The following TRAF2 variants were observed in gnomAD, a reference collection of about 807,000 sequenced individuals.
The protein encoded by TRAF2 is TNF receptor associated factor 2.
Under a neutral mutation model 55.6 loss-of-function variants are expected in TRAF2, and 6 were observed. That is an observed-to-expected ratio of 0.11 (90% CI 0.06 to 0.21). The LOEUF is 0.21. Among genes scored for constraint, TRAF2 ranks in the 10% least tolerant of loss-of-function variants. The pLI, the probability that TRAF2 is intolerant of heterozygous loss-of-function variation, is 1.00. For synonymous variants in TRAF2, 329 were observed against 276.3 expected (o/e 1.19, Z -1.89); for missense variants, 561 against 684.5 (o/e 0.82, Z 2.01).
intron 4 of TRAF2, among the ~76,000 whole-genome samples, chr9:136,906,937 G>A (rs1233805852): frequency 6.6e-6 from 1 of 152,228 alleles, no homozygotes; most frequent in Non-Finnish European, 1.5e-5. Flanking sequence ...TGTGAGAGGT[G>A]CAGCTGCCAG....
intron 2 of TRAF2, among the ~76,000 whole-genome samples, 178 bp downstream of exon 2, chr9:136,899,106 AT>A (rs560025585): frequency 1.1e-3 from 169 of 152,384 alleles, no homozygotes; most frequent in Non-Finnish European, 2.1e-3. Context: ...TAATTTTAAA[AT>A]AGCAATTTGA....
At chr9:136,904,871 G>A (rs1054812185) in intron 4 of TRAF2, among the ~76,000 whole-genome samples, 1 of 152,242 alleles carries the variant, frequency 6.6e-6, no homozygotes, top group Non-Finnish European at 1.5e-5. Context: ...CCGTCAGTGG[G>A]TAGCAGAGTG....
At position 136,925,208 on chromosome 9, in the gene TRAF2, G is replaced by T. The variant is rs564838540; in HGVS notation, c.1288-475G>T. 8.5e-5 allele frequency among the ~76,000 whole-genome samples: 13 copies of T among 152,324 alleles called. No individual in the cohort carries two copies. The South Asian group carries it at 1.4e-3, about 17-fold the overall frequency. On this transcript the variant is annotated intron_variant, in intron 10 of 10. Coordinates refer to ENST00000247668, the MANE Select transcript of TRAF2 (RefSeq NM_021138.4). ...AGTTGGGTGGGGGAGGGGGTGTGGA[G>T]GGCCCACAGGCCCTTGTCTGTCCTG...
chr9:136,917,107 C>G (rs1057310511), intron 7 of TRAF2, among the ~76,000 whole-genome samples: 2 of 152,146 alleles, frequency 1.3e-5, no homozygotes, highest in Non-Finnish European at 2.9e-5. Flanking sequence ...TCAAATGGTC[C>G]CCCCAGCCGT....
At chr9:136,882,652 CTT>C (rs1344706444), upstream of TRAF2, 1 of 985,672 alleles carries the variant, frequency 1.0e-6, no homozygotes, top group African/African-American at 1.7e-5. Context: ...CTGACTTTTG[CTT>C]TCTTTTCGGC....
Position 136,909,970 on chromosome 9 carries a change from C to G in TRAF2, c.579C>G (p.Gly193=), listed in dbSNP as rs1564414838. The G allele has an allele frequency of 6.2e-7, 1 of 1,613,914 alleles. No homozygotes were observed. The highest frequency in any genetic ancestry group is 2.2e-5 in the East Asian group (1 of 44,862). The part of the protein sequence containing the change: ...PKFPLTCDGC[G]KKKIPREKFQ... ...TCCCCTTAACTTGTGACGGCTGCGGCAAGAAGAAGATCCCCCGGGAGAAGG... is the reference window on the plus strand; with the variant it reads ...TCCCCTTAACTTGTGACGGCTGCGGGAAGAAGAAGATCCCCCGGGAGAAGG... The change falls in exon 6 of 11, where the codon GGC becomes GGG. Residue 193 remains glycine, a synonymous_variant. Transcript: ENST00000247668.
chr9:136,924,973 G>A (rs1328431646), intron 10 of TRAF2, among the ~76,000 whole-genome samples: 17 of 152,196 alleles, frequency 1.1e-4, no homozygotes, highest in South Asian at 4.1e-4. Context: ...TCCTGACCTT[G>A]TGATCCGCCC....
intron 6 of TRAF2, among the ~76,000 whole-genome samples, chr9:136,911,570 A>G (rs1409332907): frequency 6.6e-6 from 1 of 150,934 alleles, no homozygotes; most frequent in African/African-American, 2.4e-5. Context: ...AGCCCATTGC[A>G]TCTTTATTTT....
intron 2 of TRAF2, 152 bp from the exon 3 acceptor site, chr9:136,899,442 T>C (rs1849764525): frequency 1.6e-6 from 1 of 609,678 alleles, no homozygotes; most frequent in Non-Finnish European, 2.9e-6. Flanking sequence ...GTTTAAAACA[T>C]GTCCTGTTAA....
In TRAF2 at chr9:136,898,703, TCTTC is replaced by T; in HGVS notation, c.-28-6_-28-3del. 1 of 1,611,886 alleles carries T rather than the reference TCTTC, an allele frequency of 6.2e-7. No homozygotes were observed. Among genetic ancestry groups the T allele is most frequent in the South Asian group, 1.1e-5 (1 of 91,042 alleles). ...AATTGAGGTGTAACGTGCTGTGTGT[TCTTC>T]CTTAGGGCTTTGTTCGCGGGGGTCA... On this transcript the variant is annotated splice_polypyrimidine_tract_variant and splice_region_variant and intron_variant, in intron 1 of 10. Transcript: ENST00000247668.
intron 1 of TRAF2, chr9:136,898,438 C>T (rs533538044): frequency 7.7e-6 from 2 of 261,060 alleles, no homozygotes; most frequent in African/African-American, 4.6e-5. Flanking sequence ...GCCCGTGCGT[C>T]TGTGTCTCTT....
upstream of TRAF2, among the ~76,000 whole-genome samples, chr9:136,883,674 GC>G (rs893835639): frequency 6.6e-6 from 1 of 151,928 alleles, no homozygotes; most frequent in African/African-American, 2.4e-5. Context: ...CTGCCACCAT[GC>G]CCAGCTGATT....
At chr9:136,910,028 G>GGACCTCCAA in intron 6 of TRAF2, 34 bp downstream of exon 6, 1 of 1,604,794 alleles carries the variant, frequency 6.2e-7, no homozygotes, top group East Asian at 2.3e-5. Context: ...AGGACCGCAG[G>GGACCTCCAA]GCGGGGCCCA....
At chr9:136,903,625 C>T (rs1358206240) in intron 4 of TRAF2, among the ~76,000 whole-genome samples, 4 of 151,558 alleles carry the variant, frequency 2.6e-5, no homozygotes, top group African/African-American at 9.7e-5. Flanking sequence ...GCAGGACAAC[C>T]CTGGTCCCAC....
rs780689341 is a variant in TRAF2, at chr9:136,909,074, TTTG to T, written c.529-843_529-841del. Among the ~76,000 whole-genome samples, 711 of 151,630 alleles carry T rather than the reference TTTG, an allele frequency of 4.7e-3. 2 individuals are homozygous for T. The highest frequency in any genetic ancestry group is 8.3e-3 in the Non-Finnish European group (561 of 67,884). ...AAAGAAAAAAAATTTTTAAAAAAAG[TTTG>T]TTTTTAGGACAAAAAAGCATTTTTG... is the stretch of plus-strand genomic sequence containing the variant. On this transcript the variant is annotated intron_variant, in intron 5 of 10. Coordinates refer to ENST00000247668, the MANE Select transcript of TRAF2 (RefSeq NM_021138.4).
upstream of TRAF2, chr9:136,881,999 T>C: frequency 1.0e-6 from 1 of 985,418 alleles, no homozygotes; most frequent in Non-Finnish European, 1.2e-6. Flanking sequence ...AGAGGCAAGC[T>C]CTCGGTGTGA....
intron 5 of TRAF2, among the ~76,000 whole-genome samples, chr9:136,909,506 G>A (rs4636298): frequency 0.75 from 113,870 of 151,964 alleles, 42,847 homozygotes; most frequent in East Asian, 0.87. Context: ...TAGCACATCT[G>A]GGGTGCCAAG....
chr9:136,917,600 C>T (rs1022356993), intron 7 of TRAF2, among the ~76,000 whole-genome samples: 1 of 152,242 alleles, frequency 6.6e-6, no homozygotes, highest in Non-Finnish European at 1.5e-5. Flanking sequence ...CAGACCCTCC[C>T]CTGGCCAGCT....
At chr9:136,906,442 G>T (rs373438518) in intron 4 of TRAF2, among the ~76,000 whole-genome samples, 48 of 152,102 alleles carry the variant, frequency 3.2e-4, no homozygotes, top group African/African-American at 1.2e-3. Flanking sequence ...CATGTGCAGG[G>T]GAACTGCCCT....
Sources: allele counts gnomAD v4.1 joint callset (sites outside exome capture counted in the v4.1 genomes callset), GRCh38; gene constraint gnomAD v4.1.1; transcripts MANE v1.5; gene names NCBI Gene and HGNC (gene_info 2026-07-23, HGNC 2026-07-21).